Variants in PLGRKT observed in about 807,000 individuals in gnomAD.
PLGRKT encodes plasminogen receptor with a C-terminal lysine.
A neutral mutation model predicts 18.5 loss-of-function variants in PLGRKT; 22 were observed. The ratio of observed to expected loss-of-function variants is 1.19; its 90% CI spans 0.85 to 1.70. The LOEUF (loss-of-function observed/expected upper bound fraction) is 1.70. Ranked by LOEUF, PLGRKT falls within the 40% of genes most tolerant of loss-of-function variation. The probability of loss-of-function intolerance (pLI) is 0.00; values close to 1 mark genes in which losing one functional copy is unlikely to be tolerated. For synonymous variants in PLGRKT, 72 were observed against 52.8 expected, an observed-to-expected ratio of 1.36 and a Z score of -1.58; for missense variants, 235 against 174.4, an observed-to-expected ratio of 1.35 and a Z score of -1.96.
intron 3 of PLGRKT, among the ~76,000 whole-genome samples, chr9:5,400,328 T>C (rs1379684874): frequency 6.6e-6 from 1 of 151,888 alleles, no homozygotes; most frequent in African/African-American, 2.4e-5. Flanking sequence ...GTGGGGTGCA[T>C]AACTGAAAAT....
At chr9:5,387,521 T>C (rs909084684) in intron 3 of PLGRKT, among the ~76,000 whole-genome samples, 1 of 151,932 alleles carries the variant, frequency 6.6e-6, no homozygotes, top group Non-Finnish European at 1.5e-5. Context: ...ACAGATGTAA[T>C]GTTGAATTAA....
At chr9:5,416,254 T>C (rs1818456512) in intron 3 of PLGRKT, among the ~76,000 whole-genome samples, 1 of 152,162 alleles carries the variant, frequency 6.6e-6, no homozygotes, top group African/African-American at 2.4e-5. Context: ...CTTTTTTCTC[T>C]CTCTCTAGAA....
chr9:5,393,531 T>C (rs1817988691), intron 3 of PLGRKT, among the ~76,000 whole-genome samples: 1 of 151,826 alleles, frequency 6.6e-6, no homozygotes, highest in Non-Finnish European at 1.5e-5. Flanking sequence ...CTCTCAACAT[T>C]AGTCATTTTA....
At chr9:5,432,122 C>G (rs1818839613) in intron 2 of PLGRKT, 139 bp from the exon 3 acceptor site, 5 of 578,820 alleles carry the variant, frequency 8.6e-6, no homozygotes, top group Non-Finnish European at 1.2e-5. Flanking sequence ...AGTGTGGATT[C>G]TAGTTCTTGC....
At chr9:5,413,007 A>T (rs1818393955) in intron 3 of PLGRKT, among the ~76,000 whole-genome samples, 1 of 152,230 alleles carries the variant, frequency 6.6e-6, no homozygotes, top group Admixed American at 6.5e-5. Context: ...ACTCATAATT[A>T]AAGAAAAGCA....
chr9:5,381,014 A>G (rs1011863349), intron 3 of PLGRKT, among the ~76,000 whole-genome samples: 3 of 152,184 alleles, frequency 2.0e-5, no homozygotes. Context: ...TCCTGCCACC[A>G]TGAAAGATGT....
chr9:5,405,118 G>T (rs570072762), intron 3 of PLGRKT, among the ~76,000 whole-genome samples: 1 of 152,014 alleles, frequency 6.6e-6, no homozygotes, highest in African/African-American at 2.4e-5. Context: ...TCTGCTCAAG[G>T]AAATCAGAGA....
intron 3 of PLGRKT, among the ~76,000 whole-genome samples, chr9:5,373,133 G>C (rs1471409190): frequency 2.6e-5 from 4 of 152,182 alleles, no homozygotes; most frequent in Non-Finnish European, 5.9e-5. Context: ...CATATAATGA[G>C]CTCTAAGTTG....
chr9:5,378,886 T>C (rs572126869), intron 3 of PLGRKT, among the ~76,000 whole-genome samples: 2 of 152,310 alleles, frequency 1.3e-5, no homozygotes, highest in South Asian at 4.1e-4. Flanking sequence ...TATGTGTGTA[T>C]CTGTATAGCC....
chr9:5,421,760 G>A (rs1241054486), intron 3 of PLGRKT, among the ~76,000 whole-genome samples: 1 of 152,162 alleles, frequency 6.6e-6, no homozygotes, highest in African/African-American at 2.4e-5. Flanking sequence ...TCACATGTGG[G>A]AAATGAGACA....
chr9:5,390,751 TA>T (rs944710903), intron 3 of PLGRKT, among the ~76,000 whole-genome samples: 1 of 151,858 alleles, frequency 6.6e-6, no homozygotes, highest in Admixed American at 6.6e-5. Flanking sequence ...ATAATATAGG[TA>T]AAAAGGCAAA....
chr9:5,368,503 T>C (rs527242302), intron 3 of PLGRKT, among the ~76,000 whole-genome samples: 177 of 152,256 alleles, frequency 1.2e-3, no homozygotes, highest in Non-Finnish European at 2.2e-3. Context: ...ATAACTCATG[T>C]TCTCACTTGT....
chr9:5,362,941 G>A (rs1817299112), intron 3 of PLGRKT, among the ~76,000 whole-genome samples: 2 of 152,204 alleles, frequency 1.3e-5, no homozygotes, highest in South Asian at 4.2e-4. Context: ...CAGCAGAAAT[G>A]GTTTCAGGGC....
At chr9:5,391,174 T>TA (rs1240870438) in intron 3 of PLGRKT, among the ~76,000 whole-genome samples, 1 of 151,998 alleles carries the variant, frequency 6.6e-6, no homozygotes, top group African/African-American at 2.4e-5. Context: ...TAACTTTATC[T>TA]AAAAATCACT....
At chr9:5,374,986 T>A (rs1428208627) in intron 3 of PLGRKT, among the ~76,000 whole-genome samples, 1 of 152,134 alleles carries the variant, frequency 6.6e-6, no homozygotes, top group Non-Finnish European at 1.5e-5. Context: ...AATCTTAGAT[T>A]TGTTACTATT....
chr9:5,381,206 T>TG (rs1563772743), intron 3 of PLGRKT, among the ~76,000 whole-genome samples: 1 of 152,004 alleles, frequency 6.6e-6, no homozygotes, highest in Non-Finnish European at 1.5e-5. Context: ...GCCAAGACAA[T>TG]GGGGAAAATG....
Position 5,361,062 on chromosome 9 carries a change from T to C in PLGRKT, c.322+16A>G, listed in dbSNP as rs775127363. 3 of 1,266,680 alleles carry C rather than the reference T, an allele frequency of 2.4e-6. No individual in the cohort carries two copies. In the South Asian group the frequency reaches 3.8e-5, roughly 16 times the overall value. 78.5% of individuals were successfully genotyped at this position (1,266,680 alleles called of 1,614,324 possible). On this transcript the variant is annotated intron_variant, in intron 5 of 5. Coordinates refer to ENST00000223864, the MANE Select transcript of PLGRKT (RefSeq NM_018465.4). ...ATAAATCAGCAAATAGAAACTCTAGTTTACCAAAGACTTACCTTTCATTCT... is the reference window on the plus strand; with the variant it reads ...ATAAATCAGCAAATAGAAACTCTAGCTTACCAAAGACTTACCTTTCATTCT...
intron 2 of PLGRKT, among the ~76,000 whole-genome samples, chr9:5,435,239 T>G (rs916469956): frequency 6.6e-6 from 1 of 151,820 alleles, no homozygotes; most frequent in East Asian, 1.9e-4. Flanking sequence ...TGTGTTTATC[T>G]GCTGACCTTC....
chr9:5,437,278 T>C (rs557676202), intron 1 of PLGRKT, among the ~76,000 whole-genome samples: 1 of 152,224 alleles, frequency 6.6e-6, no homozygotes, highest in Non-Finnish European at 1.5e-5. Flanking sequence ...GCATGAATTC[T>C]GTCATCGGGA....
Sources: gnomAD v4.1 joint callset for allele counts (sites outside exome capture counted in the v4.1 genomes callset) on GRCh38, gnomAD v4.1.1 for gene constraint, MANE v1.5 for transcripts, NCBI Gene and HGNC (gene_info 2026-07-23, HGNC 2026-07-21) for gene names.